Variants in GPC5 observed in about 807,000 individuals in gnomAD.
GPC5 encodes glypican-5.
A neutral mutation model predicts 53.9 loss-of-function variants in GPC5; 47 were observed. The observed-to-expected ratio is 0.87, with a 90% CI of 0.69 to 1.11. GPC5 has a LOEUF of 1.11. Ranked by LOEUF, GPC5 falls within the 50% of genes most tolerant of loss-of-function variation. GPC5 has a pLI of 0.00. For synonymous variants in GPC5, 286 were observed against 263.3 expected (o/e 1.09, Z -0.84); for missense variants, 748 against 713.1 (o/e 1.05, Z -0.56).
At chr13:91,622,572 A>G (rs9589312) in intron 2 of GPC5, among the ~76,000 whole-genome samples, 4,772 of 152,208 alleles carry the variant, frequency 0.031, 218 homozygotes, top group African/African-American at 0.1. Flanking sequence ...TTTTCTTAGA[A>G]ATATAAAAGA....
At chr13:92,206,159 T>G (rs1566484651) in intron 7 of GPC5, among the ~76,000 whole-genome samples, 44 of 56,768 alleles carry the variant, frequency 7.8e-4, no homozygotes, top group African/African-American at 4.2e-3. Flanking sequence ...TTTTTTATTT[T>G]TTTTTTTATT....
At chr13:92,347,901 AAT>A (rs1555329528) in intron 7 of GPC5, among the ~76,000 whole-genome samples, 1,242 of 13,956 alleles carry the variant, frequency 0.089, 393 homozygotes, top group Middle Eastern at 0.44. Context: ...TTATATATAT[AAT>A]ATATATATAA....
intron 7 of GPC5, among the ~76,000 whole-genome samples, chr13:92,451,517 A>G (rs775265584): frequency 1.3e-5 from 2 of 152,154 alleles, no homozygotes; most frequent in Non-Finnish European, 2.9e-5. Flanking sequence ...TTTTAGTGCC[A>G]TGCAAGATAG....
chr13:92,167,507 AC>A (rs1044331605), intron 7 of GPC5, among the ~76,000 whole-genome samples: 3 of 152,232 alleles, frequency 2.0e-5, no homozygotes, highest in Admixed American at 2.0e-4. Context: ...AACAGAAGTA[AC>A]AATGTATGAA....
chr13:91,849,406 C>T (rs892047584), intron 5 of GPC5, among the ~76,000 whole-genome samples: 2 of 152,128 alleles, frequency 1.3e-5, no homozygotes, highest in Non-Finnish European at 2.9e-5. Context: ...GCCAATAAAC[C>T]ACACGTGGTT....
chr13:92,049,409 T>C (rs1454202336), intron 6 of GPC5, among the ~76,000 whole-genome samples: 1 of 152,094 alleles, frequency 6.6e-6, no homozygotes, highest in Non-Finnish European at 1.5e-5. Flanking sequence ...GATCAACCTT[T>C]GTCGAATGAA....
intron 5 of GPC5, among the ~76,000 whole-genome samples, chr13:91,812,400 T>C (rs1284614300): frequency 5.3e-5 from 8 of 152,134 alleles, no homozygotes; most frequent in Admixed American, 5.2e-4. Context: ...GAAAATATGG[T>C]TTATTAGAAA....
chr13:92,314,821 G>C (rs1188207269), intron 7 of GPC5, among the ~76,000 whole-genome samples: 1 of 152,078 alleles, frequency 6.6e-6, no homozygotes, highest in African/African-American at 2.4e-5. Context: ...CACCCAGGCT[G>C]GAGTGCTGTG....
intron 2 of GPC5, among the ~76,000 whole-genome samples, chr13:91,470,352 A>G (rs1882536385): frequency 6.6e-6 from 1 of 152,144 alleles, no homozygotes; most frequent in Admixed American, 6.6e-5. Context: ...AAGTGCTCAT[A>G]ACCACTGAGA....
intron 5 of GPC5, among the ~76,000 whole-genome samples, chr13:91,798,989 T>C (rs1257708616): frequency 2.6e-5 from 4 of 152,210 alleles, no homozygotes; most frequent in African/African-American, 7.2e-5. Context: ...CATATGTTTA[T>C]TGGCCACATG....
chr13:92,562,246 C>T (rs534366692), intron 7 of GPC5, among the ~76,000 whole-genome samples: 1 of 152,066 alleles, frequency 6.6e-6, no homozygotes, highest in African/African-American at 2.4e-5. Flanking sequence ...TTCACCCTTA[C>T]GCTGTGCATT....
At chr13:92,054,489 T>A (rs958308379) in intron 6 of GPC5, among the ~76,000 whole-genome samples, 3 of 152,084 alleles carry the variant, frequency 2.0e-5, no homozygotes, top group African/African-American at 4.8e-5. Flanking sequence ...AACTCATGCC[T>A]CCCAAATTTC....
chr13:91,582,096 C>T lies in GPC5; in HGVS notation c.326-111091C>T, dbSNP rs146465974. On this transcript the variant is annotated intron_variant, in intron 2 of 7. Transcript: ENST00000377067. ...AGACAAAATGTCTACACCAAGTAGACATTTTAACAGATTCACAGGGCTGCA... is the reference window on the plus strand; with the variant it reads ...AGACAAAATGTCTACACCAAGTAGATATTTTAACAGATTCACAGGGCTGCA... 1.4e-3 allele frequency among the ~76,000 whole-genome samples: 220 copies of T among 152,142 alleles called. 1 individual carries two copies. Among genetic ancestry groups the T allele is most frequent in the African/African-American group, 4.8e-3 (200 of 41,520 alleles).
At chr13:92,377,413 C>A (rs780266115) in intron 7 of GPC5, among the ~76,000 whole-genome samples, 4 of 152,062 alleles carry the variant, frequency 2.6e-5, no homozygotes, top group Non-Finnish European at 5.9e-5. Context: ...TTTGAAATAT[C>A]AAATGATATG....
At chr13:92,800,411 A>G (rs1158569300) in intron 7 of GPC5, among the ~76,000 whole-genome samples, 1 of 151,806 alleles carries the variant, frequency 6.6e-6, no homozygotes, top group Non-Finnish European at 1.5e-5. Context: ...TGCATTTAAG[A>G]TGTTTATTTG....
intron 2 of GPC5, among the ~76,000 whole-genome samples, chr13:91,513,136 T>G (rs1285919449): frequency 6.6e-6 from 1 of 152,182 alleles, no homozygotes; most frequent in Non-Finnish European, 1.5e-5. Flanking sequence ...AAACCTGACA[T>G]GCATTAGCTC....
chr13:91,551,642 C>A (rs1481989427), intron 2 of GPC5, among the ~76,000 whole-genome samples: 1 of 151,954 alleles, frequency 6.6e-6, no homozygotes, highest in African/African-American at 2.4e-5. Flanking sequence ...AATAATAGCC[C>A]TGAGAATTCT....
At chr13:92,506,152 C>T (rs1880360016) in intron 7 of GPC5, among the ~76,000 whole-genome samples, 1 of 152,084 alleles carries the variant, frequency 6.6e-6, no homozygotes, top group Admixed American at 6.6e-5. Flanking sequence ...TTATCCACTA[C>T]ATACCAAACT....
intron 2 of GPC5, among the ~76,000 whole-genome samples, chr13:91,456,712 A>G (rs2139125645): frequency 6.6e-6 from 1 of 152,154 alleles, no homozygotes; most frequent in East Asian, 1.9e-4. Context: ...CCGTGGAACA[A>G]ACTTAAAAAT....
Sources: gnomAD v4.1 joint callset for allele counts (sites outside exome capture counted in the v4.1 genomes callset) on GRCh38, gnomAD v4.1.1 for gene constraint, MANE v1.5 for transcripts, NCBI Gene and HGNC (gene_info 2026-07-23, HGNC 2026-07-21) for gene names.